Variants in MEI1 observed in about 807,000 individuals in gnomAD.
The protein encoded by MEI1 is meiotic double-stranded break formation protein 1.
MEI1 carries 103 observed loss-of-function variants against 146.2 expected under a neutral mutation model. The observed-to-expected ratio is 0.70, with a 90% CI of 0.60 to 0.83. The LOEUF (loss-of-function observed/expected upper bound fraction) is 0.83, where lower values mean the gene tolerates loss of function less well. Ranked by LOEUF, MEI1 falls within the 40% of genes least tolerant of loss-of-function variation. The pLI is 0.00. For missense variants in MEI1, 1,529 were observed against 1,533.0 expected, an observed-to-expected ratio of 1.00 and a Z score of 0.04; for synonymous variants, 652 against 628.2, an observed-to-expected ratio of 1.04 and a Z score of -0.57.
intron 21 of MEI1, among the ~76,000 whole-genome samples, chr22:41,776,705 G>A (rs1207149497): frequency 6.6e-6 from 1 of 152,188 alleles, no homozygotes; most frequent in Non-Finnish European, 1.5e-5. Context: ...ATCTGGAATG[G>A]TACTCACTGG....
At chr22:41,796,884 G>T (rs1170314102) in intron 30 of MEI1, among the ~76,000 whole-genome samples, 1 of 151,984 alleles carries the variant, frequency 6.6e-6, no homozygotes, top group African/African-American at 2.4e-5. Flanking sequence ...GATGCGGAGG[G>T]CAGTGAGCCA....
rs6002477 is a variant in MEI1 at position 41,778,887 on chromosome 22, T to G, written c.2815+75T>G. ...AGTGGGTGCTCACTAAGTAGGCTGG[T>G]GTTCTTCTTTCTTCTACTCTTTCAT... On this transcript the variant is annotated intron_variant, in intron 22 of 30. Transcript: ENST00000401548. 38,632 of 1,049,854 alleles carry G rather than the reference T, an allele frequency of 0.037. 4,744 individuals carry two copies. The African/African-American group carries it at 0.38, about 10-fold the overall frequency. The allele number at this position is 1,049,854 out of a possible 1,614,324, so 65.0% of individuals were successfully genotyped here.
intron 11 of MEI1, among the ~76,000 whole-genome samples, chr22:41,738,724 A>G (rs2072598292): frequency 6.6e-6 from 1 of 151,892 alleles, no homozygotes; most frequent in Admixed American, 6.6e-5. Flanking sequence ...GTAAGCCAAG[A>G]TCACGCCACT....
intron 20 of MEI1, among the ~76,000 whole-genome samples, chr22:41,775,281 G>T (rs2075381130): frequency 6.6e-6 from 1 of 152,152 alleles, no homozygotes; most frequent in Non-Finnish European, 1.5e-5. Context: ...GCCTGACCTG[G>T]TCCTCACTTG....
At chr22:41,722,210 C>G (rs1038796412) in intron 6 of MEI1, 4 of 151,788 alleles carry the variant, frequency 2.6e-5, no homozygotes, top group African/African-American at 7.3e-5. Flanking sequence ...TCCTTTGGAC[C>G]CTTGAAGCAC....
intron 11 of MEI1, among the ~76,000 whole-genome samples, chr22:41,738,383 T>C (rs1242002951): frequency 6.6e-6 from 1 of 152,018 alleles, no homozygotes; most frequent in Non-Finnish European, 1.5e-5. Context: ...GGTCAGGAGT[T>C]CGAGAACAGC....
intron 2 of MEI1, 62 bp downstream of exon 2, chr22:41,703,516 G>A: frequency 4.3e-6 from 6 of 1,380,118 alleles, no homozygotes; most frequent in Non-Finnish European, 4.8e-6. Flanking sequence ...TCTGCTTTTG[G>A]GGCTCTTGGA....
chr22:41,705,555 G>A lies in MEI1; in HGVS notation c.349+1G>A, dbSNP rs1409170251. 6.2e-7 allele frequency: 1 copy of A among 1,612,720 alleles called. No individual in the cohort carries two copies. The highest frequency in any genetic ancestry group is 1.7e-5 in the Admixed American group (1 of 59,986). ...AGTGTGACAGACCTCTGTATTGAAGGTAAGTTGAAACCTTGTATCTAGCAC... is the reference window on the plus strand; with the variant it reads ...AGTGTGACAGACCTCTGTATTGAAGATAAGTTGAAACCTTGTATCTAGCAC... On this transcript the variant is annotated splice_donor_variant, in intron 3 of 30. Transcript: ENST00000401548. LOFTEE classifies it high-confidence loss of function.
intron 19 of MEI1, among the ~76,000 whole-genome samples, chr22:41,767,920 A>C (rs575110177): frequency 6.6e-6 from 1 of 152,172 alleles, no homozygotes; most frequent in Admixed American, 6.6e-5. Context: ...GTGAAGGGAG[A>C]ACTTTGAAGC....
intron 11 of MEI1, among the ~76,000 whole-genome samples, chr22:41,740,184 T>A (rs1452519066): frequency 1.3e-5 from 2 of 151,986 alleles, no homozygotes; most frequent in Non-Finnish European, 2.9e-5. Flanking sequence ...CACGCCTGGA[T>A]ACTTCTTGTA....
intron 19 of MEI1, among the ~76,000 whole-genome samples, chr22:41,769,033 CA>C (rs1177644588): frequency 6.6e-6 from 1 of 152,006 alleles, no homozygotes; most frequent in African/African-American, 2.4e-5. Flanking sequence ...CAATCTGTAT[CA>C]AAATCCCAAT....
chr22:41,745,012 C>A lies in MEI1; in HGVS notation c.1486C>A (p.Gln496Lys). ...SSRDSEKAILQRGKFLLSTLE... is the reference protein window; with the variant it reads ...SSRDSEKAILKRGKFLLSTLE... ...TAGAGATTCAGAGAAGGCCATTCTT[C>A]AAAGGGGAAAGTTCCTCCTCAGCAC... Residue 496 changes from glutamine to lysine, a missense_variant, in exon 13 of 31, where the codon CAA becomes AAA. Transcript: ENST00000401548. 1 of 1,566,400 alleles carries A rather than the reference C, an allele frequency of 6.4e-7. No homozygotes were observed. Among genetic ancestry groups the A allele is most frequent in the South Asian group, 1.2e-5 (1 of 84,130 alleles).
chr22:41,745,097 A>G (rs2073187782), intron 13 of MEI1, 33 bp downstream of exon 13: 1 of 1,431,502 alleles, frequency 7.0e-7, no homozygotes, highest in Non-Finnish European at 9.4e-7. Flanking sequence ...AAGTAATAGC[A>G]TGGAAGGTAG....
intron 30 of MEI1, among the ~76,000 whole-genome samples, chr22:41,797,446 T>TA (rs1157931021): frequency 6.6e-6 from 1 of 152,116 alleles, no homozygotes; most frequent in Non-Finnish European, 1.5e-5. Context: ...ACCCTGTCTC[T>TA]ACTAAAAATA....
Position 41,792,827 on chromosome 22 carries a change from T to A in MEI1, c.3346-1002T>A, listed in dbSNP as rs565865019. On this transcript the variant is annotated intron_variant, in intron 26 of 30. Coordinates refer to ENST00000401548, the MANE Select transcript of MEI1 (RefSeq NM_152513.4). The stretch of plus-strand genomic sequence containing the variant: ...TTGGTAGATGTACAGGGGTACCTAG[T>A]AGTTTTAATTTGCATTTCCCTAATG... Among the ~76,000 whole-genome samples, 3 of 151,976 alleles carry A rather than the reference T, an allele frequency of 2.0e-5. No homozygotes were observed. The South Asian group carries it at 6.2e-4, about 31-fold the overall frequency.
rs540618020 is a variant in MEI1, at chr22:41,776,053, C to G, written c.2545-49C>G. 1.9e-6 allele frequency: 3 copies of G among 1,582,044 alleles called. No homozygotes were observed. In the African/African-American group the frequency reaches 4.1e-5, roughly 21 times the overall value. ...CCCTCTATTCCTCATTGTCACTTTT[C>G]CCCAACTGCAGTACCCTCTGATCTC... On this transcript the variant is annotated intron_variant, in intron 20 of 30. Coordinates refer to ENST00000401548, the MANE Select transcript of MEI1 (RefSeq NM_152513.4).
At chr22:41,757,803 C>T (rs1004931585) in intron 17 of MEI1, among the ~76,000 whole-genome samples, 3 of 152,162 alleles carry the variant, frequency 2.0e-5, no homozygotes, top group African/African-American at 7.2e-5. Context: ...GTCTCACAGC[C>T]TGTCCTGAGT....
intron 11 of MEI1, among the ~76,000 whole-genome samples, chr22:41,740,797 G>A (rs1569224523): frequency 1.3e-5 from 2 of 152,112 alleles, no homozygotes; most frequent in East Asian, 1.9e-4. Flanking sequence ...CTTGATGATC[G>A]TGTAGGATCG....
intron 3 of MEI1, among the ~76,000 whole-genome samples, chr22:41,705,778 G>C (rs1484508261): frequency 6.7e-6 from 1 of 149,964 alleles, no homozygotes; most frequent in Non-Finnish European, 1.5e-5. Context: ...TGCAATCTCA[G>C]CTCACTGCAA....
Sources: allele counts gnomAD v4.1 joint callset (sites outside exome capture counted in the v4.1 genomes callset), GRCh38; gene constraint gnomAD v4.1.1; transcripts MANE v1.5; gene names NCBI Gene and HGNC (gene_info 2026-07-23, HGNC 2026-07-21).